Variants in NR3C1 observed in about 807,000 individuals in gnomAD.
The protein encoded by NR3C1 is nuclear receptor subfamily 3 group C member 1, also known as glucocorticoid receptor.
NR3C1 carries 14 observed loss-of-function variants against 74.0 expected under a neutral mutation model. That is an observed-to-expected ratio of 0.19 (90% confidence interval 0.12 to 0.30). The LOEUF is 0.30. Among genes scored for constraint, NR3C1 ranks in the 10% least tolerant of loss-of-function variants. NR3C1 has a pLI of 1.00. For missense variants in NR3C1, 695 were observed against 909.8 expected (o/e 0.76, Z 3.04); for synonymous variants, 308 against 332.5 (o/e 0.93, Z 0.80).
exon 1 of NR3C1, chr5:143,435,143 A>G: frequency 1.0e-6 from 1 of 985,454 alleles, no homozygotes; most frequent in African/African-American, 1.7e-5. Flanking sequence ...GAATGCGTGC[A>G]TATTCACACT....
chr5:143,427,704 A>G (rs1751605935), intron 1 of NR3C1, among the ~76,000 whole-genome samples: 1 of 152,226 alleles, frequency 6.6e-6, no homozygotes, highest in South Asian at 2.1e-4. Context: ...AATGTCCACT[A>G]GCAACCTTCT....
intron 5 of NR3C1, among the ~76,000 whole-genome samples, chr5:143,299,019 T>TG (rs1266758996): frequency 6.7e-6 from 1 of 149,310 alleles, no homozygotes; most frequent in African/African-American, 2.5e-5. Flanking sequence ...TTTTTTTTTT[T>TG]TTTTTTTTTA....
In NR3C1 at chr5:143,400,355, T is replaced by A. The variant is rs374579557; in HGVS notation, c.485A>T (p.Asp162Val). The A allele has an allele frequency of 2.5e-6, 4 of 1,614,004 alleles. No individual in the cohort carries two copies. The highest frequency in any genetic ancestry group is 2.5e-6 in the Non-Finnish European group (3 of 1,180,016). Reference protein sequence around the residue: ...TEKEFPKTHSDVSSEQQHLKG... With the variant: ...TEKEFPKTHSVVSSEQQHLKG... ...CAAATGTTGCTGTTCTGAAGATACA[T>A]CAGAGTGAGTTTTTGGAAACTCCTT... Residue 162 changes from aspartate (D) to valine (V), a missense_variant, in exon 2 of 9, where the codon GAT becomes GTT. By Grantham distance (152) the Asp-to-Val change is radical. Transcript: ENST00000394464.
intron 2 of NR3C1, among the ~76,000 whole-genome samples, chr5:143,336,419 A>G (rs1827131304): frequency 6.6e-6 from 1 of 152,220 alleles, no homozygotes; most frequent in Non-Finnish European, 1.5e-5. Context: ...CAAGACAGAA[A>G]GCAGATGGAC....
Position 143,377,923 on chromosome 5 carries a change from G to A in NR3C1, c.1184+21733C>T, listed in dbSNP as rs10482631. On this transcript the variant is annotated intron_variant, in intron 2 of 8. Coordinates refer to ENST00000394464, the MANE Select transcript of NR3C1 (RefSeq NM_000176.3). ...TATGTCTGAGGGAGCTGAAGTTTCC[G>A]TTGATTTATGGTTGAAAGTAGTCTT... Among the ~76,000 whole-genome samples, 1,011 of 152,256 alleles carry A rather than the reference G, an allele frequency of 6.6e-3. 13 individuals are homozygous for A. Among genetic ancestry groups the A allele is most frequent in the African/African-American group, 0.022 (916 of 41,526 alleles).
At chr5:143,404,384 CG>C (rs5871845), upstream of NR3C1, 1 of 985,294 alleles carries the variant, frequency 1.0e-6, no homozygotes, top group Non-Finnish European at 1.2e-6. Flanking sequence ...ACTTTGGGCC[CG>C]GGGGGAGTCG....
intron 1 of NR3C1, among the ~76,000 whole-genome samples, chr5:143,428,873 G>A (rs568458665): frequency 6.6e-6 from 1 of 152,052 alleles, no homozygotes; most frequent in Non-Finnish European, 1.5e-5. Context: ...CCCACCAAAG[G>A]TCCCTGGGGC....
chr5:143,368,159 A>C (rs1833595284), intron 2 of NR3C1, among the ~76,000 whole-genome samples: 1 of 152,234 alleles, frequency 6.6e-6, no homozygotes, highest in East Asian at 1.9e-4. Flanking sequence ...CTTTTCAACA[A>C]ATGGTGCTGG....
In NR3C1 at chr5:143,403,217, C is replaced by G; in HGVS notation, c.-20G>C. 1 of 985,280 alleles carries G rather than the reference C, an allele frequency of 1.0e-6. No individual in the cohort carries two copies. The highest frequency in any genetic ancestry group is 4.7e-5 in the South Asian group (1 of 21,284). 61.0% of individuals were successfully genotyped at this position (985,280 alleles called of 1,614,324 possible). On this transcript the variant is annotated 5_prime_UTR_variant, in exon 1 of 9. Transcript: ENST00000394464. ...CTCCCGCCTCGCTTCTTACCTCTGGCAGAGGAGCCGCTCGCCCGCCACCGT... is the reference window on the plus strand; with the variant it reads ...CTCCCGCCTCGCTTCTTACCTCTGGGAGAGGAGCCGCTCGCCCGCCACCGT...
chr5:143,295,612 G>C (rs534875469), intron 6 of NR3C1, 22 bp from the exon 7 acceptor site: 2 of 1,589,282 alleles, frequency 1.3e-6, no homozygotes, highest in East Asian at 4.5e-5. Flanking sequence ...AAATAGCAGG[G>C]TATTAGTTAG....
chr5:143,348,765 T>C (rs1829737522), intron 2 of NR3C1, among the ~76,000 whole-genome samples: 1 of 152,176 alleles, frequency 6.6e-6, no homozygotes, highest in African/African-American at 2.4e-5. Context: ...ATGAGTTCAA[T>C]GTTAATGAAT....
Position 143,403,234 on chromosome 5 carries a change from C to G in NR3C1, c.-37G>C. The G allele has an allele frequency of 1.0e-6, 1 of 985,386 alleles. No homozygotes were observed. Among genetic ancestry groups the G allele is most frequent in the East Asian group, 1.1e-4 (1 of 8,810 alleles). The allele number at this position is 985,386 out of a possible 1,614,324, so 61.0% of individuals were successfully genotyped here. A position where few individuals can be genotyped will look rare whatever the true frequency, so the allele number is the denominator to read the frequency against. ...ACCTCTGGCAGAGGAGCCGCTCGCC[C>G]GCCACCGTCCGCAGTTCCCGCCGCA... On this transcript the variant is annotated 5_prime_UTR_variant, in exon 1 of 9. Coordinates refer to ENST00000394464, the MANE Select transcript of NR3C1 (RefSeq NM_000176.3).
At chr5:143,422,765 G>A (rs780992104) in intron 1 of NR3C1, among the ~76,000 whole-genome samples, 33 of 152,246 alleles carry the variant, frequency 2.2e-4, no homozygotes, top group Non-Finnish European at 3.5e-4. Flanking sequence ...TATAACCCAC[G>A]CAGTCTATGG....
At chr5:143,304,076 G>C (rs916290667) in intron 4 of NR3C1, among the ~76,000 whole-genome samples, 2 of 151,942 alleles carry the variant, frequency 1.3e-5, no homozygotes, top group Admixed American at 1.3e-4. Flanking sequence ...AGAACAATCA[G>C]GTAAGAGAAA....
chr5:143,311,277 T>C (rs1820883582), intron 3 of NR3C1, among the ~76,000 whole-genome samples: 1 of 152,152 alleles, frequency 6.6e-6, no homozygotes, highest in Non-Finnish European at 1.5e-5. Context: ...AAGGAATCTC[T>C]AAATCACTGT....
chr5:143,414,417 C>G (rs559305856), intron 1 of NR3C1, among the ~76,000 whole-genome samples: 7 of 152,302 alleles, frequency 4.6e-5, no homozygotes, highest in African/African-American at 1.7e-4. Flanking sequence ...GTAATAGAAG[C>G]AGTAGGCACT....
At chr5:143,404,180 G>A (rs941216038), upstream of NR3C1, 2 of 985,392 alleles carry the variant, frequency 2.0e-6, no homozygotes, top group Non-Finnish European at 2.4e-6. Context: ...CGCCTCCCGC[G>A]GCTGAGCTGC....
At chr5:143,331,086 G>A (rs183910791) in intron 2 of NR3C1, among the ~76,000 whole-genome samples, 132 of 152,226 alleles carry the variant, frequency 8.7e-4, no homozygotes, top group Admixed American at 2.0e-3. Context: ...AAACAGCATG[G>A]TATTGGTACA....
intron 7 of NR3C1, among the ~76,000 whole-genome samples, chr5:143,282,973 A>C (rs1270166743): frequency 6.7e-6 from 1 of 150,166 alleles, no homozygotes; most frequent in African/African-American, 2.4e-5. Context: ...TGGAGCCTTG[A>C]CCTCCTTGGC....
Sources: gnomAD v4.1 joint callset for allele counts (sites outside exome capture counted in the v4.1 genomes callset) on GRCh38, gnomAD v4.1.1 for gene constraint, MANE v1.5 for transcripts, NCBI Gene and HGNC (gene_info 2026-07-23, HGNC 2026-07-21) for gene names.